Variants in MIB1 observed in about 807,000 individuals in gnomAD.
The protein encoded by MIB1 is MIB E3 ubiquitin protein ligase 1, also known as E3 ubiquitin-protein ligase MIB1.
MIB1 carries 278 observed loss-of-function variants against 124.5 expected under a neutral mutation model. That is an observed-to-expected ratio of 2.23 (90% CI 2.02 to 2.47). MIB1 has a LOEUF of 2.47. Ranked by LOEUF, MIB1 falls within the 30% of genes most tolerant of loss-of-function variation. The pLI is 0.00. For missense variants in MIB1, 957 were observed against 1,254.4 expected (o/e 0.76, Z 3.58); for synonymous variants, 446 against 429.4 (o/e 1.04, Z -0.48).
In MIB1 at chr18:21,853,232, G is replaced by A; in HGVS notation, c.2665+14G>A. On this transcript the variant is annotated intron_variant, in intron 18 of 20. Coordinates refer to ENST00000261537, the MANE Select transcript of MIB1 (RefSeq NM_020774.4). ...GTGCTTGTGAGAGTAAGTAGCCTAT[G>A]CAGAGTTCCTCAATATTATTATAAA... 6.5e-7 allele frequency: 1 copy of A among 1,547,090 alleles called. No individual in the cohort carries two copies. Among genetic ancestry groups the A allele is most frequent in the Non-Finnish European group, 8.9e-7 (1 of 1,124,570 alleles).
At chr18:21,821,700 G>A (rs888851518) in intron 12 of MIB1, among the ~76,000 whole-genome samples, 13 of 151,176 alleles carry the variant, frequency 8.6e-5, no homozygotes, top group African/African-American at 1.5e-4. Flanking sequence ...CTGGGTTCAC[G>A]CCATTCTCCT....
intron 1 of MIB1, among the ~76,000 whole-genome samples, chr18:21,718,810 C>T (rs960433932): frequency 6.6e-6 from 1 of 152,114 alleles, no homozygotes; most frequent in South Asian, 2.1e-4. Flanking sequence ...CCTGTAATCC[C>T]GACCCATTGG....
chr18:21,826,291 T>TG (rs1335471490), intron 12 of MIB1: 1 of 155,460 alleles, frequency 6.4e-6, no homozygotes, highest in East Asian at 1.9e-4. Flanking sequence ...AGCAAATTGT[T>TG]GATGGGTGTA....
chr18:21,779,955 C>G (rs1289070925), intron 6 of MIB1, among the ~76,000 whole-genome samples: 1 of 151,362 alleles, frequency 6.6e-6, no homozygotes, highest in Admixed American at 6.6e-5. Flanking sequence ...CACTATTTTT[C>G]CTTCAAGAGG....
intron 13 of MIB1, among the ~76,000 whole-genome samples, chr18:21,840,261 CAT>C (rs895869168): frequency 4.6e-5 from 7 of 151,964 alleles, no homozygotes; most frequent in Admixed American, 4.6e-4. Context: ...TAGAACCACA[CAT>C]ATGTATAAAC....
intron 12 of MIB1, chr18:21,830,706 A>G (rs1043950149): frequency 6.6e-6 from 1 of 152,100 alleles, no homozygotes; most frequent in East Asian, 1.9e-4. Context: ...TCTCATCTTG[A>G]TTGTTCGTTC....
intron 20 of MIB1, among the ~76,000 whole-genome samples, 176 bp downstream of exon 20, chr18:21,858,822 AGGTAACACACAAATGG>A (rs2042249810): frequency 6.6e-6 from 1 of 152,240 alleles, no homozygotes; most frequent in Admixed American, 6.5e-5. Flanking sequence ...TTTCCAAAAT[AGGTAACACACAAATGG>A]CCAATGAATA....
intron 18 of MIB1, among the ~76,000 whole-genome samples, chr18:21,853,522 A>G (rs934688086): frequency 6.6e-6 from 1 of 152,146 alleles, no homozygotes; most frequent in Non-Finnish European, 1.5e-5. Context: ...TAAATGTTGA[A>G]ACATTTAGTC....
chr18:21,724,707 C>A (rs1426446974), intron 1 of MIB1, among the ~76,000 whole-genome samples: 2 of 49,518 alleles, frequency 4.0e-5, no homozygotes, highest in Admixed American at 2.7e-4. Flanking sequence ...TCTGTCTCCC[C>A]CATCCAAAAA....
intron 7 of MIB1, chr18:21,794,075 A>G (rs2041544815): frequency 1.3e-5 from 2 of 152,304 alleles, no homozygotes; most frequent in East Asian, 1.9e-4. Context: ...GAGCAGGTCA[A>G]AACTCTCGTG....
chr18:21,774,921 T>TTTTTTTAA (rs1163703079), intron 4 of MIB1, among the ~76,000 whole-genome samples: 3 of 138,258 alleles, frequency 2.2e-5, no homozygotes, highest in African/African-American at 8.4e-5. Context: ...TTTATTTCCA[T>TTTTTTTAA]TTTATTTATT....
intron 1 of MIB1, among the ~76,000 whole-genome samples, chr18:21,760,942 C>T (rs1435199452): frequency 2.0e-5 from 3 of 152,096 alleles, no homozygotes; most frequent in Non-Finnish European, 4.4e-5. Context: ...TTATTTTAGA[C>T]CTTGTTCAGA....
At chr18:21,758,727 G>T (rs1161784687) in intron 1 of MIB1, among the ~76,000 whole-genome samples, 1 of 152,082 alleles carries the variant, frequency 6.6e-6, no homozygotes, top group African/African-American at 2.4e-5. Context: ...TAGAGACAGG[G>T]TTTCACTATG....
chr18:21,799,756 T>C, intron 8 of MIB1, 85 bp from the exon 9 acceptor site: 1 of 1,264,446 alleles, frequency 7.9e-7, no homozygotes, highest in East Asian at 2.4e-5. Flanking sequence ...AGGAAAAGAT[T>C]ATAGAAATAT....
chr18:21,852,320 C>T (rs1252416780), intron 17 of MIB1, among the ~76,000 whole-genome samples: 2 of 152,136 alleles, frequency 1.3e-5, no homozygotes, highest in Admixed American at 6.5e-5. Flanking sequence ...AGAGAGCACA[C>T]GTGCATGTAT....
rs370234906 is a variant in MIB1 at position 21,812,850 on chromosome 18, C to T, written c.1480-2766C>T. ...TTTGGCACTAGGAACAGGACAGGCA[C>T]ATGAGCTGTGTTTTAGGTTTATTTG... On this transcript the variant is annotated intron_variant, in intron 10 of 20. Coordinates refer to ENST00000261537, the MANE Select transcript of MIB1 (RefSeq NM_020774.4). Among the ~76,000 whole-genome samples, 42 of 152,194 alleles carry T rather than the reference C, an allele frequency of 2.8e-4. No homozygotes were observed. In the South Asian group the frequency reaches 8.3e-3, roughly 30 times the overall value.
At chr18:21,775,658 TCTGC>T (rs1158750662) in intron 4 of MIB1, among the ~76,000 whole-genome samples, 1 of 152,262 alleles carries the variant, frequency 6.6e-6, no homozygotes, top group African/African-American at 2.4e-5. Flanking sequence ...TCTTCATGCC[TCTGC>T]CTGTTTTTAA....
chr18:21,823,583 T>G (rs1467626094), intron 12 of MIB1, among the ~76,000 whole-genome samples: 1 of 152,138 alleles, frequency 6.6e-6, no homozygotes, highest in Non-Finnish European at 1.5e-5. Flanking sequence ...TTTCTCATAG[T>G]ATGATAGTAA....
chr18:21,820,646 T>G (rs2041870210), intron 12 of MIB1, among the ~76,000 whole-genome samples: 1 of 152,210 alleles, frequency 6.6e-6, no homozygotes, highest in African/African-American at 2.4e-5. Flanking sequence ...GACAGTAGTA[T>G]TATATTTCCC....
Sources: gnomAD v4.1 joint callset for allele counts (sites outside exome capture counted in the v4.1 genomes callset) on GRCh38, gnomAD v4.1.1 for gene constraint, MANE v1.5 for transcripts, NCBI Gene and HGNC (gene_info 2026-07-23, HGNC 2026-07-21) for gene names.